KLF4: variants seen among roughly 807,000 people sequenced by gnomAD.
KLF4 encodes Krueppel-like factor 4.
In KLF4, 14 loss-of-function variants were observed where a neutral mutation model predicts 38.0. The observed-to-expected ratio is 0.37, with a 90% CI of 0.24 to 0.58. KLF4 has a LOEUF of 0.58. KLF4 is among the 20% of genes least tolerant of loss of function. The probability of loss-of-function intolerance (pLI) is 0.76; values close to 1 mark genes in which losing one functional copy is unlikely to be tolerated. For synonymous variants in KLF4, 398 were observed against 302.5 expected, an observed-to-expected ratio of 1.32 and a Z score of -3.28; for missense variants, 737 against 670.1, an observed-to-expected ratio of 1.10 and a Z score of -1.10.
In KLF4 at chr9:107,485,941, GAA is replaced by G. The variant is rs45511095; in HGVS notation, c.1265-17_1265-16del. 6.6e-7 allele frequency: 1 copy of G among 1,526,708 alleles called. No homozygotes were observed. Among genetic ancestry groups the G allele is most frequent in the South Asian group, 1.2e-5 (1 of 81,136 alleles). The allele number at this position is 1,526,708 out of a possible 1,614,324, so 94.6% of individuals were successfully genotyped here. ...AGGTTTCTCACCTGTAAAGGTAAAA[GAA>G]AAAAAAAATTGACGCTATTGCTATA... On this transcript the variant is annotated splice_polypyrimidine_tract_variant and intron_variant, in intron 4 of 4. Transcript: ENST00000374672. This position sits in a 1 kb window ranked among gnomAD's most constrained non-coding sequence, Gnocchi z 4.9.
chr9:107,489,116 G>A lies in KLF4; in HGVS notation c.5+52C>T, dbSNP rs560890983. 4 of 1,548,264 alleles carry A rather than the reference G, an allele frequency of 2.6e-6. No individual in the cohort carries two copies. The South Asian group carries it at 3.6e-5, about 14-fold the overall frequency. On this transcript the variant is annotated intron_variant, in intron 1 of 4. Transcript: ENST00000374672. ...CGGCTTTCGGCCGTCGTTCCGGCGC[G>A]TCCCACCGGTCCTCACCCCTCCCTG...
Position 107,488,850 on chromosome 9 carries a change from G to A in KLF4, c.126+80C>T. 1 of 1,496,510 alleles carries A rather than the reference G, an allele frequency of 6.7e-7. No homozygotes were observed. Among genetic ancestry groups the A allele is most frequent in the Non-Finnish European group, 9.0e-7 (1 of 1,114,638 alleles). 92.7% of individuals were successfully genotyped at this position (1,496,510 alleles called of 1,614,324 possible). On this transcript the variant is annotated intron_variant, in intron 2 of 4. Transcript: ENST00000374672. This position sits in a 1 kb window ranked among gnomAD's most constrained non-coding sequence, Gnocchi z 5.7. ...CCTTACCCTCGTTCAGTGGCTCTTG[G>A]TGACCCCAAGGCTCCGCCCGCCCCC...
Position 107,489,396 on chromosome 9 carries a change from G to A in KLF4, c.-224C>T. 1.9e-6 allele frequency: 1 copy of A among 521,192 alleles called. No individual in the cohort carries two copies. Among genetic ancestry groups the A allele is most frequent in the Non-Finnish European group, 3.2e-6 (1 of 314,658 alleles). 32.3% of individuals were successfully genotyped at this position (521,192 alleles called of 1,614,324 possible). A position where few individuals can be genotyped will look rare whatever the true frequency, so the allele number is the denominator to read the frequency against. On this transcript the variant is annotated 5_prime_UTR_variant, in exon 1 of 5. Transcript: ENST00000374672. The stretch of plus-strand genomic sequence containing the variant: ...AACGCAAAAATAGACAATCAGCAAG[G>A]CGAGTAAGTAGGTCCGGTGGCCGGG...
chr9:107,487,418 T>C lies in KLF4; in HGVS notation c.976A>G (p.Ser326Gly). 6.6e-7 allele frequency: 1 copy of C among 1,519,906 alleles called. No homozygotes were observed. Among genetic ancestry groups the C allele is most frequent in the Non-Finnish European group, 8.8e-7 (1 of 1,135,842 alleles). 94.2% of individuals were successfully genotyped at this position (1,519,906 alleles called of 1,614,324 possible). Residue 326 changes from serine to glycine, a missense_variant, in exon 3 of 5, where the codon AGC becomes GGC. By Grantham distance (56) the Ser-to-Gly change is moderately conservative. Coordinates refer to ENST00000374672, the MANE Select transcript of KLF4 (RefSeq NM_004235.6). The surrounding 1 kb of genome is among the most constrained non-coding windows in gnomAD (Gnocchi z 6.1). ...AGGGCAGGGTGACAGTCCCTGCTGC[T>C]CAGCACTTCCTCAAGACCCAGGGTC... ...TPTLGLEEVL[S>G]SRDCHPALPL...
chr9:107,489,247 AGAAAC>A lies in KLF4; in HGVS notation c.-80_-76del, dbSNP rs1416346198. 36 of 1,429,424 alleles carry A rather than the reference AGAAAC, an allele frequency of 2.5e-5. 1 individual carries two copies. The highest frequency in any genetic ancestry group is 2.9e-5 in the Non-Finnish European group (32 of 1,088,712). The allele number at this position is 1,429,424 out of a possible 1,614,324, so 88.5% of individuals were successfully genotyped here. On this transcript the variant is annotated 5_prime_UTR_variant, in exon 1 of 5. Transcript: ENST00000374672. ...CTGAACCCCAAAGTCAACGAAGAGA[AGAAAC>A]GAAGCCAAAACCCAAAACCCCAAAT...
In KLF4 at chr9:107,487,590, G is replaced by A. The variant is rs1389167017; in HGVS notation, c.804C>T (p.Gly268=). 1 of 1,591,500 alleles carries A rather than the reference G, an allele frequency of 6.3e-7. No homozygotes were observed. The highest frequency in any genetic ancestry group is 1.1e-5 in the South Asian group (1 of 89,708). The part of the protein sequence containing the change: ...SHPVVVAPYN[G]GPPRTCPKIK... ...TCTTGGGGCACGTGCGCGGCGGCCC[G>A]CCGTTGTAGGGCGCCACCACCACCG... Residue 268 remains glycine (G), a synonymous_variant, in exon 3 of 5, where the codon GGC becomes GGT. Coordinates refer to ENST00000374672, the MANE Select transcript of KLF4 (RefSeq NM_004235.6). This position sits in a 1 kb window ranked among gnomAD's most constrained non-coding sequence, Gnocchi z 6.1.
chr9:107,487,089 C>T lies in KLF4; in HGVS notation c.1203G>A (p.Ala401=), dbSNP rs377678291. ...TCTTTGTGTAGGTTTTGCCGCAGCC[C>T]GCGTAATCACAAGTGTGGGTGGCGG... ...KRTATHTCDY[A]GCGKTYTKSS... is the part of the protein sequence containing the mutation. Residue 401 remains alanine, a synonymous_variant, in exon 4 of 5, where the codon GCG becomes GCA. Transcript: ENST00000374672. This position sits in a 1 kb window ranked among gnomAD's most constrained non-coding sequence, Gnocchi z 6.1. 9.3e-6 allele frequency: 15 copies of T among 1,614,066 alleles called. No individual in the cohort carries two copies. The highest frequency in any genetic ancestry group is 2.2e-5 in the South Asian group (2 of 91,092).
rs908564729 is a variant in KLF4 at position 107,487,249 on chromosome 9, C to G, written c.1099+46G>C. On this transcript the variant is annotated intron_variant, in intron 3 of 4. Transcript: ENST00000374672. The surrounding 1 kb of genome is among the most constrained non-coding windows in gnomAD (Gnocchi z 6.1). The stretch of plus-strand genomic sequence containing the variant: ...CCCGTGTGTCCCGAAGTGGGGCCAG[C>G]ACACACAGGGCTCCCCAGCCCGAGC... The G allele has an allele frequency of 5.6e-6, 9 of 1,603,648 alleles. No individual in the cohort carries two copies. In the Admixed American group the frequency reaches 1.0e-4, roughly 18 times the overall value.
At chr9:107,486,087 TA>T (rs1342412449) in intron 4 of KLF4, among the ~76,000 whole-genome samples, 161 bp from the exon 5 acceptor site, 1 of 152,174 alleles carries the variant, frequency 6.6e-6, no homozygotes, top group African/African-American at 2.4e-5. Context: ...TTCCATATCA[TA>T]AACAGAAATA....
rs1235707517 is a variant in KLF4 at position 107,488,100 on chromosome 9, C to T, written c.294G>A (p.Glu98=). The stretch of plus-strand genomic sequence containing the variant: ...AGTCCAGGTCCAGGAGATCGTTGAA[C>T]TCCTCGGTCTCTCTCCGAGGTAGGG... ...LAPLPRRETE[E]FNDLLDLDFI... is the part of the protein sequence containing the mutation. Residue 98 remains glutamate (E), a synonymous_variant, in exon 3 of 5, where the codon GAG becomes GAA. Coordinates refer to ENST00000374672, the MANE Select transcript of KLF4 (RefSeq NM_004235.6). The surrounding 1 kb of genome is among the most constrained non-coding windows in gnomAD (Gnocchi z 5.7). 4 of 1,612,922 alleles carry T rather than the reference C, an allele frequency of 2.5e-6. No individual in the cohort carries two copies. Among genetic ancestry groups the T allele is most frequent in the African/African-American group, 2.7e-5 (2 of 74,934 alleles).
In KLF4 at chr9:107,488,439, G is replaced by A. The variant is rs1034731101; in HGVS notation, c.127-172C>T. On this transcript the variant is annotated intron_variant, in intron 2 of 4. Coordinates refer to ENST00000374672, the MANE Select transcript of KLF4 (RefSeq NM_004235.6). The surrounding 1 kb of genome is among the most constrained non-coding windows in gnomAD (Gnocchi z 5.7). Reference sequence around the variant, plus strand: ...CGCTGCAATCTCGGCCCACTCCCGGGTCGAAGAAGAGGTGATGCGTCTGTA... The same window carrying A: ...CGCTGCAATCTCGGCCCACTCCCGGATCGAAGAAGAGGTGATGCGTCTGTA... 7.5e-6 allele frequency: 9 copies of A among 1,200,070 alleles called. No individual in the cohort carries two copies. Among genetic ancestry groups the A allele is most frequent in the South Asian group, 3.2e-5 (2 of 62,394 alleles). The allele number at this position is 1,200,070 out of a possible 1,614,324, so 74.3% of individuals were successfully genotyped here. A position where few individuals can be genotyped will look rare whatever the true frequency, so the allele number is the denominator to read the frequency against.
Position 107,487,091 on chromosome 9 carries a change from C to A in KLF4, c.1201G>T (p.Ala401Ser), listed in dbSNP as rs1587920769. ...KRTATHTCDY[A>S]GCGKTYTKSS... ...TTTGTGTAGGTTTTGCCGCAGCCCG[C>A]GTAATCACAAGTGTGGGTGGCGGTC... The change falls in exon 4 of 5, where the codon GCG (alanine) becomes TCG (serine). Residue 401 changes from alanine to serine, a missense_variant. This residue lies in a region of KLF4 where 42 missense variants were observed against 115.5 expected (regional missense o/e 0.36). Transcript: ENST00000374672. This position sits in a 1 kb window ranked among gnomAD's most constrained non-coding sequence, Gnocchi z 6.1. 6.2e-7 allele frequency: 1 copy of A among 1,614,214 alleles called. No individual in the cohort carries two copies. Among genetic ancestry groups the A allele is most frequent in the Non-Finnish European group, 8.5e-7 (1 of 1,180,048 alleles).
In KLF4 at chr9:107,489,047, C is replaced by T. The variant is rs1264947237; in HGVS notation, c.9G>A (p.Gln3=). 2 of 1,555,008 alleles carry T rather than the reference C, an allele frequency of 1.3e-6. No individual in the cohort carries two copies. The highest frequency in any genetic ancestry group is 3.9e-5 in the Admixed American group (2 of 51,412). The change falls in exon 2 of 5, where the codon CAG becomes CAA. Residue 3 remains glutamine, a synonymous_variant. Coordinates refer to ENST00000374672, the MANE Select transcript of KLF4 (RefSeq NM_004235.6). ...CAGCCATGTCAGACTCGCCAGGTGG[C>T]TGCCTGCGAGCAAGGCAGGGAGCGG... MR[Q]PPGESDMAVS...
rs1829149181 is a variant in KLF4 at position 107,489,301 on chromosome 9, A to T, written c.-129T>A. The T allele has an allele frequency of 8.0e-7, 1 of 1,245,110 alleles. No homozygotes were observed. Among genetic ancestry groups the T allele is most frequent in the Non-Finnish European group, 1.1e-6 (1 of 937,868 alleles). The allele number at this position is 1,245,110 out of a possible 1,614,324, so 77.1% of individuals were successfully genotyped here. On this transcript the variant is annotated 5_prime_UTR_variant, in exon 1 of 5. Transcript: ENST00000374672. ...ATTGGCCGAGATCCTTCTTCTTTGGATTAAATATAACTTGGAAGCGTCTTT... is the reference window on the plus strand; with the variant it reads ...ATTGGCCGAGATCCTTCTTCTTTGGTTTAAATATAACTTGGAAGCGTCTTT...
intron 4 of KLF4, among the ~76,000 whole-genome samples, chr9:107,486,397 A>G (rs1306971701): frequency 1.3e-5 from 2 of 152,068 alleles, no homozygotes; most frequent in African/African-American, 4.8e-5. Flanking sequence ...GACTTTGGGT[A>G]CCTACTTACA....
At position 107,487,414 on chromosome 9, in the gene KLF4, C is replaced by T; in HGVS notation, c.980G>A (p.Ser327Asn). 6.6e-7 allele frequency: 1 copy of T among 1,516,884 alleles called. No homozygotes were observed. The highest frequency in any genetic ancestry group is 8.8e-7 in the Non-Finnish European group (1 of 1,134,248). 94.0% of individuals were successfully genotyped at this position (1,516,884 alleles called of 1,614,324 possible). The change falls in exon 3 of 5, where the codon AGC becomes AAC. Residue 327 changes from serine to asparagine, a missense_variant. This residue lies in a region of KLF4 where 695 missense variants were observed against 554.5 expected (regional missense o/e 1.25). Transcript: ENST00000374672. This position sits in a 1 kb window ranked among gnomAD's most constrained non-coding sequence, Gnocchi z 6.1. Reference protein sequence around the residue: ...PTLGLEEVLSSRDCHPALPLP... With the variant: ...PTLGLEEVLSNRDCHPALPLP... ...CGGCAGGGCAGGGTGACAGTCCCTG[C>T]TGCTCAGCACTTCCTCAAGACCCAG...
Position 107,487,404 on chromosome 9 carries a change from A to G in KLF4, c.990T>C (p.Cys330=). Reference sequence around the variant, plus strand: ...CGGGAGGAAGCGGCAGGGCAGGGTGACAGTCCCTGCTGCTCAGCACTTCCT... The same window carrying G: ...CGGGAGGAAGCGGCAGGGCAGGGTGGCAGTCCCTGCTGCTCAGCACTTCCT... The part of the protein sequence containing the change: ...GLEEVLSSRD[C]HPALPLPPGF... Residue 330 remains cysteine, a synonymous_variant, in exon 3 of 5, where the codon TGT becomes TGC. Coordinates refer to ENST00000374672, the MANE Select transcript of KLF4 (RefSeq NM_004235.6). The surrounding 1 kb of genome is among the most constrained non-coding windows in gnomAD (Gnocchi z 6.1). The G allele has an allele frequency of 6.6e-7, 1 of 1,522,884 alleles. No individual in the cohort carries two copies. Among genetic ancestry groups the G allele is most frequent in the Non-Finnish European group, 8.8e-7 (1 of 1,136,574 alleles). 94.3% of individuals were successfully genotyped at this position (1,522,884 alleles called of 1,614,324 possible). A position where few individuals can be genotyped will look rare whatever the true frequency, so the allele number is the denominator to read the frequency against.
Position 107,488,973 on chromosome 9 carries a change from G to T in KLF4, c.83C>A (p.Ala28Glu), listed in dbSNP as rs1307202426. 1 of 1,568,456 alleles carries T rather than the reference G, an allele frequency of 6.4e-7. No individual in the cohort carries two copies. Among genetic ancestry groups the T allele is most frequent in the Admixed American group, 1.9e-5 (1 of 53,550 alleles). Residue 28 changes from alanine to glutamate, a missense_variant, in exon 2 of 5, where the codon GCG (alanine) becomes GAG (glutamate). Transcript: ENST00000374672. The surrounding 1 kb of genome is among the most constrained non-coding windows in gnomAD (Gnocchi z 5.7). Reference protein sequence around the residue: ...PSFSTFASGPAGREKTLRQAG... With the variant: ...PSFSTFASGPEGREKTLRQAG... Reference sequence around the variant, plus strand: ...TTGACGCAGTGTCTTCTCCCTTCCCGCCGGGCCAGACGCGAACGTGGAGAA... The same window carrying T: ...TTGACGCAGTGTCTTCTCCCTTCCCTCCGGGCCAGACGCGAACGTGGAGAA...
intron 4 of KLF4, 96 bp downstream of exon 4, chr9:107,486,932 C>G: frequency 1.3e-6 from 2 of 1,598,604 alleles, no homozygotes; most frequent in Non-Finnish European, 1.7e-6. Context: ...GGGCTGGAAG[C>G]TAACCTGGGA....
Sources: gnomAD v4.1 joint callset for allele counts (sites outside exome capture counted in the v4.1 genomes callset) on GRCh38, gnomAD v4.1.1 for gene constraint, gnomAD v4.1.1 regional missense constraint, Gnocchi (gnomAD v3.1) non-coding constraint, MANE v1.5 for transcripts, NCBI Gene and HGNC (gene_info 2026-07-23, HGNC 2026-07-21) for gene names.